Variants in ADGRV1 observed in about 807,000 individuals in gnomAD.
ADGRV1 encodes the protein adhesion G protein-coupled receptor V1.
Under a neutral mutation model 596.2 loss-of-function variants are expected in ADGRV1, and 359 were observed. The ratio of observed to expected loss-of-function variants is 0.60; its 90% confidence interval spans 0.55 to 0.66. The LOEUF (loss-of-function observed/expected upper bound fraction) is 0.66, where lower values mean the gene tolerates loss of function less well. Ranked by LOEUF, ADGRV1 falls within the 30% of genes least tolerant of loss-of-function variation. The probability of loss-of-function intolerance (pLI) is 0.00; values close to 1 mark genes in which losing one functional copy is unlikely to be tolerated. For synonymous variants in ADGRV1, 2,681 were observed against 2,679.2 expected, an observed-to-expected ratio of 1.00 and a Z score of -0.02; for missense variants, 7,274 against 7,575.6, an observed-to-expected ratio of 0.96 and a Z score of 1.48.
chr5:91,057,622 A>C (rs1787003582), intron 85 of ADGRV1, among the ~76,000 whole-genome samples: 1 of 152,228 alleles, frequency 6.6e-6, no homozygotes, highest in African/African-American at 2.4e-5. Flanking sequence ...CAAGACTTGA[A>C]AATAACAGGA....
chr5:90,634,374 AC>A (rs533162805), intron 9 of ADGRV1, among the ~76,000 whole-genome samples: 129 of 152,336 alleles, frequency 8.5e-4, no homozygotes, highest in African/African-American at 3.1e-3. Flanking sequence ...AAGGACACAG[AC>A]CCACAAGAGC....
At chr5:90,966,464 G>A (rs371699478) in intron 84 of ADGRV1, among the ~76,000 whole-genome samples, 4 of 149,546 alleles carry the variant, frequency 2.7e-5, no homozygotes, top group African/African-American at 4.9e-5. Context: ...CCCAGGAGGC[G>A]GAGGTTGCAG....
intron 83 of ADGRV1, among the ~76,000 whole-genome samples, chr5:90,872,461 G>A (rs1426564515): frequency 9.0e-6 from 1 of 111,152 alleles, no homozygotes; most frequent in Non-Finnish European, 1.9e-5. Flanking sequence ...GTGTGTGTGT[G>A]TGTGTACATT....
intron 85 of ADGRV1, among the ~76,000 whole-genome samples, chr5:91,045,308 A>G (rs957394228): frequency 1.3e-5 from 2 of 152,192 alleles, no homozygotes; most frequent in African/African-American, 4.8e-5. Flanking sequence ...TGGCTAACGG[A>G]ATCCAACAAC....
intron 86 of ADGRV1, 88 bp from the exon 87 acceptor site, chr5:91,102,131 T>C: frequency 8.1e-7 from 1 of 1,237,394 alleles, no homozygotes; most frequent in Non-Finnish European, 1.1e-6. Flanking sequence ...GGCACTAGAA[T>C]ACCACAGAAA....
intron 77 of ADGRV1, among the ~76,000 whole-genome samples, chr5:90,833,936 T>A (rs1353713050): frequency 6.6e-6 from 1 of 152,174 alleles, no homozygotes; most frequent in Non-Finnish European, 1.5e-5. Flanking sequence ...AAAATAATTG[T>A]CATTATTTTA....
intron 74 of ADGRV1, among the ~76,000 whole-genome samples, chr5:90,813,338 A>G (rs1581204775): frequency 6.6e-6 from 1 of 152,052 alleles, no homozygotes; most frequent in South Asian, 2.1e-4. Context: ...GCCATACTCC[A>G]TTAATTACTG....
intron 85 of ADGRV1, among the ~76,000 whole-genome samples, chr5:91,019,177 CA>C (rs933809404): frequency 9.9e-5 from 15 of 152,044 alleles, no homozygotes; most frequent in African/African-American, 3.4e-4. Context: ...ATGGCTAGAG[CA>C]AAAGCAGGGA....
chr5:90,853,277 G>A lies in ADGRV1; in HGVS notation c.17205-7G>A, dbSNP rs1026218169. 1.3e-6 allele frequency: 2 copies of A among 1,595,934 alleles called. No individual in the cohort carries two copies. The highest frequency in any genetic ancestry group is 1.3e-5 in the African/African-American group (1 of 74,406). Reference sequence around the variant, plus strand: ...ATTTTTACAGACCCTTTGCTTTTCTGTTGTAGAAGCAAAACCATCCTTGAT... The same window carrying A: ...ATTTTTACAGACCCTTTGCTTTTCTATTGTAGAAGCAAAACCATCCTTGAT... On this transcript the variant is annotated splice_polypyrimidine_tract_variant and splice_region_variant and intron_variant, in intron 79 of 89. Transcript: ENST00000405460.
chr5:90,687,328 G>A (rs1745804487), intron 29 of ADGRV1, among the ~76,000 whole-genome samples: 1 of 152,056 alleles, frequency 6.6e-6, no homozygotes, highest in African/African-American at 2.4e-5. Flanking sequence ...TTTCTTCTAG[G>A]GTTTTTATGG....
At chr5:90,804,885 T>C (rs1761755130) in intron 71 of ADGRV1, 1 of 152,908 alleles carries the variant, frequency 6.5e-6, no homozygotes, top group Non-Finnish European at 1.5e-5. Flanking sequence ...TCATGGTGCT[T>C]ACTTTATAAA....
chr5:91,163,761 T>A (rs780287860), intron 89 of ADGRV1, 21 bp from the exon 90 acceptor site: 1 of 1,105,286 alleles, frequency 9.0e-7, no homozygotes, highest in South Asian at 1.4e-5. Flanking sequence ...GATTTTTGTG[T>A]TCATTCTATT....
At chr5:90,954,967 T>C (rs1254037346) in intron 83 of ADGRV1, among the ~76,000 whole-genome samples, 1 of 152,130 alleles carries the variant, frequency 6.6e-6, no homozygotes, top group African/African-American at 2.4e-5. Flanking sequence ...ATGGGGCCTT[T>C]ATTTGGGAGG....
chr5:91,162,160 G>A (rs961603086), intron 89 of ADGRV1, among the ~76,000 whole-genome samples: 1 of 152,194 alleles, frequency 6.6e-6, no homozygotes, highest in East Asian at 1.9e-4. Flanking sequence ...GCAGGTTCAC[G>A]ACTTAGGATG....
At chr5:90,866,932 TAA>T (rs1325555839) in intron 83 of ADGRV1, among the ~76,000 whole-genome samples, 1 of 152,148 alleles carries the variant, frequency 6.6e-6, no homozygotes, top group African/African-American at 2.4e-5. Context: ...TGAAAATGAT[TAA>T]ATGACAAGAA....
chr5:90,841,440 G>A (rs1303548563), intron 78 of ADGRV1, among the ~76,000 whole-genome samples: 4 of 151,972 alleles, frequency 2.6e-5, no homozygotes, highest in East Asian at 1.9e-4. Flanking sequence ...TAGTCCTCAC[G>A]GGCACTGAAA....
rs1456003349 is a variant in ADGRV1 at position 91,164,334 on chromosome 5, C to T, written c.*434C>T. ...GCCATCTTGCATGAATCCAGGTGAT[C>T]CAGATTCAAGACTTCACTGCAACTA... On this transcript the variant is annotated 3_prime_UTR_variant, in exon 90 of 90. Transcript: ENST00000405460. 4.1e-6 allele frequency: 1 copy of T among 245,212 alleles called. No homozygotes were observed. Among genetic ancestry groups the T allele is most frequent in the Non-Finnish European group, 8.2e-6 (1 of 121,570 alleles). 15.2% of individuals were successfully genotyped at this position (245,212 alleles called of 1,614,324 possible).
chr5:90,614,702 ATAG>A, intron 1 of ADGRV1, 130 bp from the exon 2 acceptor site: 1 of 732,878 alleles, frequency 1.4e-6, no homozygotes, highest in Admixed American at 2.0e-5. Context: ...TGATGGCTTA[ATAG>A]TAGATGTATT....
intron 42 of ADGRV1, among the ~76,000 whole-genome samples, chr5:90,714,460 T>A (rs768091383): frequency 4.2e-4 from 64 of 151,886 alleles, no homozygotes; most frequent in Non-Finnish European, 7.1e-4. Flanking sequence ...ATTATAAAAA[T>A]TTTTTTAAAT....
Sources: allele counts gnomAD v4.1 joint callset (sites outside exome capture counted in the v4.1 genomes callset), GRCh38; gene constraint gnomAD v4.1.1; transcripts MANE v1.5; gene names NCBI Gene and HGNC (gene_info 2026-07-23, HGNC 2026-07-21).